Variants in TULP4 observed in about 807,000 individuals in gnomAD.
TULP4 encodes TUB like protein 4, also known as tubby-related protein 4.
A neutral mutation model predicts 129.0 loss-of-function variants in TULP4; 16 were observed. The ratio of observed to expected loss-of-function variants is 0.12; its 90% CI spans 0.08 to 0.19. The LOEUF (loss-of-function observed/expected upper bound fraction) is 0.19. Ranked by LOEUF, TULP4 falls within the 10% of genes least tolerant of loss-of-function variation. TULP4 has a pLI of 1.00. For synonymous variants in TULP4, 998 were observed against 854.0 expected, an observed-to-expected ratio of 1.17 and a Z score of -2.94; for missense variants, 1,842 against 2,059.1, an observed-to-expected ratio of 0.89 and a Z score of 2.04.
At chr6:158,299,469 C>A (rs1347170157) in intron 1 of TULP4, among the ~76,000 whole-genome samples, 1 of 152,108 alleles carries the variant, frequency 6.6e-6, no homozygotes, top group Non-Finnish European at 1.5e-5. Context: ...TCTCCTATTA[C>A]TCCCCCTTTC....
At chr6:158,385,840 A>ATTTTTTTTTTTTTTTTTTTTTTTTTTTT (rs1397821107) in intron 1 of TULP4, among the ~76,000 whole-genome samples, 1 of 34,024 alleles carries the variant, frequency 2.9e-5, no homozygotes, top group African/African-American at 1.3e-4. Flanking sequence ...AATGTGGAAT[A>ATTTTTTTTTTTTTTTTTTTTTTTTTTTT]TCTTTTTTTT....
At chr6:158,473,057 G>C (rs1225879011) in intron 6 of TULP4, among the ~76,000 whole-genome samples, 3 of 152,152 alleles carry the variant, frequency 2.0e-5, no homozygotes, top group Non-Finnish European at 2.9e-5. Context: ...CAGTGGAGAG[G>C]TCACCCTATA....
upstream of TULP4, among the ~76,000 whole-genome samples, chr6:158,280,980 C>T (rs1018013468): frequency 9.9e-5 from 15 of 152,028 alleles, no homozygotes; most frequent in Non-Finnish European, 1.6e-4. Context: ...TTACATTAAA[C>T]GTGAGGAGTA....
chr6:158,365,174 GAAATCCTACT>G (rs1780903247), intron 1 of TULP4, among the ~76,000 whole-genome samples: 1 of 151,648 alleles, frequency 6.6e-6, no homozygotes, highest in South Asian at 2.1e-4. Context: ...TTTATTTCTG[GAAATCCTACT>G]AGATGTGTTT....
In TULP4 at chr6:158,383,848, G is replaced by T. The variant is rs117357366; in HGVS notation, c.253-29217G>T. 3.9e-5 allele frequency among the ~76,000 whole-genome samples: 6 copies of T among 152,340 alleles called. No individual in the cohort carries two copies. The East Asian group carries it at 1.2e-3, about 29-fold the overall frequency. On this transcript the variant is annotated intron_variant, in intron 1 of 13. Coordinates refer to ENST00000367097, the MANE Select transcript of TULP4 (RefSeq NM_020245.5). ...GCGATTAAATGATGACTTTCAGCAG[G>T]GCTGATTAGATGGACACACTTGTTA...
Position 158,343,549 on chromosome 6 carries a change from C to T in TULP4, c.252+29281C>T, listed in dbSNP as rs373121935. On this transcript the variant is annotated intron_variant, in intron 1 of 13. Coordinates refer to ENST00000367097, the MANE Select transcript of TULP4 (RefSeq NM_020245.5). ...TGGCCTTCTTAGGCCCTAGAGAGCT[C>T]GCACCCTCTTTCCCTCACATGAGGA... is the stretch of plus-strand genomic sequence containing the variant. Among the ~76,000 whole-genome samples the T allele has an allele frequency of 6.4e-4, 97 of 152,050 alleles. 1 individual carries two copies. Among genetic ancestry groups the T allele is most frequent in the African/African-American group, 2.0e-3 (81 of 41,476 alleles).
Position 158,506,884 on chromosome 6 carries a change from TTTTA to T in TULP4, c.*193_*196del. 1.7e-6 allele frequency: 1 copy of T among 578,354 alleles called. No homozygotes were observed. Among genetic ancestry groups the T allele is most frequent in the South Asian group, 2.1e-5 (1 of 48,014 alleles). The allele number at this position is 578,354 out of a possible 1,614,324, so 35.8% of individuals were successfully genotyped here. ...ATTTATTTGGTTGGGTTTTATTACC[TTTTA>T]TTGTCTGTTCTTCTTTTCTTCTTTC... On this transcript the variant is annotated 3_prime_UTR_variant, in exon 14 of 14. Coordinates refer to ENST00000367097, the MANE Select transcript of TULP4 (RefSeq NM_020245.5).
At chr6:158,268,035 CTTTT>C (rs773811376) in intron 1 of TULP4, among the ~76,000 whole-genome samples, 1 of 72,770 alleles carries the variant, frequency 1.4e-5, no homozygotes, top group African/African-American at 4.0e-5. Context: ...TTTCTTTTTT[CTTTT>C]TTTTTTTTTT....
intron 1 of TULP4, among the ~76,000 whole-genome samples, chr6:158,258,836 G>T (rs187946340): frequency 6.6e-6 from 1 of 151,892 alleles, no homozygotes; most frequent in Admixed American, 6.6e-5. Context: ...TTATTTTCAC[G>T]TCAGCATTAT....
intron 2 of TULP4, among the ~76,000 whole-genome samples, chr6:158,416,038 A>G (rs1778202619): frequency 1.3e-5 from 2 of 152,240 alleles, no homozygotes; most frequent in Admixed American, 1.3e-4. Context: ...TAAGTCCAAG[A>G]GTCTAAAAGC....
At chr6:158,332,230 A>ATAT (rs1187478270) in intron 1 of TULP4, among the ~76,000 whole-genome samples, 1 of 141,926 alleles carries the variant, frequency 7.0e-6, no homozygotes, top group African/African-American at 2.7e-5. Context: ...TATATATATA[A>ATAT]ATTGAAAAGA....
chr6:158,503,336 G>A lies in TULP4; in HGVS notation c.3673G>A (p.Val1225Met). The change falls in exon 13 of 14, where the codon GTG (valine) becomes ATG (methionine). Residue 1225 changes from valine (V) to methionine (M), a missense_variant. Val to Met is a conservative substitution (Grantham distance 21). Around this residue, in one of 5 missense-constraint regions of TULP4, gnomAD observed 1,089 missense variants for 987.1 expected, o/e 1.10. Coordinates refer to ENST00000367097, the MANE Select transcript of TULP4 (RefSeq NM_020245.5). The surrounding 1 kb of genome is among the most constrained non-coding windows in gnomAD (Gnocchi z 4.3). Reference sequence around the variant, plus strand: ...GCAGTTTGCACAACAGGAGCCTGCTGTGGTCCTTCAGCCGCTGTACCCACC... The same window carrying A: ...GCAGTTTGCACAACAGGAGCCTGCTATGGTCCTTCAGCCGCTGTACCCACC... ...PTQFAQQEPA[V>M]VLQPLYPPSL... 1 of 1,613,732 alleles carries A rather than the reference G, an allele frequency of 6.2e-7. No homozygotes were observed. The highest frequency in any genetic ancestry group is 8.5e-7 in the Non-Finnish European group (1 of 1,179,958).
At chr6:158,283,290 A>T (rs1426440982) in intron 1 of TULP4, among the ~76,000 whole-genome samples, 1 of 152,198 alleles carries the variant, frequency 6.6e-6, no homozygotes, top group East Asian at 1.9e-4. Context: ...TGTTGTAATA[A>T]AAGAAAATCA....
At chr6:158,289,972 C>T (rs142814784) in intron 1 of TULP4, among the ~76,000 whole-genome samples, 5 of 152,252 alleles carry the variant, frequency 3.3e-5, no homozygotes, top group Non-Finnish European at 7.4e-5. Flanking sequence ...GACAGGGTCT[C>T]ACCCTGTCAC....
intron 8 of TULP4, among the ~76,000 whole-genome samples, chr6:158,488,489 C>T (rs1445425032): frequency 6.6e-6 from 1 of 152,180 alleles, no homozygotes; most frequent in African/African-American, 2.4e-5. Context: ...TGGGGCCAGC[C>T]TCCTTTCCAA....
chr6:158,408,033 A>G (rs932282314), intron 1 of TULP4, among the ~76,000 whole-genome samples: 5 of 152,348 alleles, frequency 3.3e-5, no homozygotes, highest in African/African-American at 1.2e-4. Context: ...CAGTTTTAAC[A>G]TCTTACTCTT....
At chr6:158,360,870 A>G (rs1780771467) in intron 1 of TULP4, among the ~76,000 whole-genome samples, 1 of 152,224 alleles carries the variant, frequency 6.6e-6, no homozygotes, top group South Asian at 2.1e-4. Context: ...TTATGCCACC[A>G]TTAGCATAAA....
At chr6:158,440,541 A>G (rs1222456578) in intron 3 of TULP4, among the ~76,000 whole-genome samples, 2 of 152,182 alleles carry the variant, frequency 1.3e-5, no homozygotes, top group Non-Finnish European at 2.9e-5. Flanking sequence ...CTTTCCCATC[A>G]GATCTGCCCA....
rs146473771 is a variant in TULP4, at chr6:158,462,430, G to A, written c.1026+701G>A. On this transcript the variant is annotated intron_variant, in intron 6 of 13. Coordinates refer to ENST00000367097, the MANE Select transcript of TULP4 (RefSeq NM_020245.5). The stretch of plus-strand genomic sequence containing the variant: ...GCTTTCTCACCCAGGCTGGAGTGCC[G>A]TAGCGCATTCTTGGCTCACTGCAAG... Among the ~76,000 whole-genome samples the A allele has an allele frequency of 2.6e-3, 380 of 147,206 alleles. 4 individuals carry two copies. Among genetic ancestry groups the A allele is most frequent in the African/African-American group, 9.2e-3 (363 of 39,628 alleles).
Sources: allele counts gnomAD v4.1 joint callset (sites outside exome capture counted in the v4.1 genomes callset), GRCh38; gene constraint gnomAD v4.1.1; regional missense constraint gnomAD v4.1.1; non-coding constraint Gnocchi (gnomAD v3.1); transcripts MANE v1.5; gene names NCBI Gene and HGNC (gene_info 2026-07-23, HGNC 2026-07-21).